The following COA7 variants were observed in gnomAD, a reference collection of about 807,000 sequenced individuals.
The protein encoded by COA7 is Sel1 repeat containing 1.
COA7 carries 12 observed loss-of-function variants against 21.0 expected under a neutral mutation model. The observed-to-expected ratio is 0.57, with a 90% CI of 0.37 to 0.92. The LOEUF (loss-of-function observed/expected upper bound fraction) is 0.92, where lower values mean the gene tolerates loss of function less well. COA7 is among the 40% of genes least tolerant of loss of function. The pLI is 0.01. For missense variants in COA7, 240 were observed against 286.1 expected, an observed-to-expected ratio of 0.84 and a Z score of 1.16; for synonymous variants, 95 against 107.4, an observed-to-expected ratio of 0.88 and a Z score of 0.72.
At chr1:52,698,165 C>G in intron 1 of COA7, 56 bp downstream of exon 1, 1 of 1,281,618 alleles carries the variant, frequency 7.8e-7, no homozygotes. Context: ...GCAGACCAGA[C>G]CTCTCCGGGC....
chr1:52,697,188 C>T (rs1246503675), intron 1 of COA7, among the ~76,000 whole-genome samples: 1 of 151,290 alleles, frequency 6.6e-6, no homozygotes, highest in Non-Finnish European at 1.5e-5. Context: ...CACTTGAGCC[C>T]AGGAGTTGCG....
chr1:52,694,201 A>G (rs1644067642), intron 1 of COA7, among the ~76,000 whole-genome samples: 1 of 152,086 alleles, frequency 6.6e-6, no homozygotes, highest in African/African-American at 2.4e-5. Flanking sequence ...AAAAGCCCAG[A>G]CTTCCCCAGC....
At position 52,692,981 on chromosome 1, in the gene COA7, C is replaced by G. The variant is rs1483316950; in HGVS notation, c.107-114G>C. The G allele has an allele frequency of 4.6e-6, 5 of 1,079,576 alleles. No individual in the cohort carries two copies. In the East Asian group the frequency reaches 1.2e-4, roughly 26 times the overall value. The allele number at this position is 1,079,576 out of a possible 1,614,324, so 66.9% of individuals were successfully genotyped here. On this transcript the variant is annotated intron_variant, in intron 1 of 2. Coordinates refer to ENST00000371538, the MANE Select transcript of COA7 (RefSeq NM_023077.3). ...GGCCAGGTGATGTCTTTTAAGACAG[C>G]CCCTGTCCTCCTGATGTGTGGCAAG...
chr1:52,696,943 C>G (rs989161311), intron 1 of COA7, among the ~76,000 whole-genome samples: 1 of 152,012 alleles, frequency 6.6e-6, no homozygotes, highest in Non-Finnish European at 1.5e-5. Context: ...AACCCTGTCT[C>G]TACGAAAATA....
At chr1:52,697,356 A>T (rs928904390) in intron 1 of COA7, among the ~76,000 whole-genome samples, 9 of 152,212 alleles carry the variant, frequency 5.9e-5, no homozygotes, top group African/African-American at 1.2e-4. Flanking sequence ...AGTCAATTCA[A>T]TGTTCACACA....
In COA7 at chr1:52,686,667, C is replaced by CCTG. The variant is rs1190403203; in HGVS notation, c.*1052_*1053insCAG. On this transcript the variant is annotated 3_prime_UTR_variant, in exon 3 of 3. Transcript: ENST00000371538. ...GTTTCCCCGTGTTAGCCAGGATGGT[C>CCTG]ATGATCTCCTGATCTCGTGATCCAC... 2.6e-5 allele frequency: 4 copies of CCTG among 152,226 alleles called. No individual in the cohort carries two copies. Among genetic ancestry groups the CCTG allele is most frequent in the African/African-American group, 9.7e-5 (4 of 41,446 alleles). The allele number at this position is 152,226 out of a possible 1,614,324, so 9.4% of individuals were successfully genotyped here.
Position 52,698,031 on chromosome 1 carries a change from C to T in COA7, c.106+190G>A, listed in dbSNP as rs1644097002. The T allele has an allele frequency of 1.2e-5, 7 of 577,498 alleles. No individual in the cohort carries two copies. The East Asian group carries it at 2.1e-4, about 17-fold the overall frequency. The allele number at this position is 577,498 out of a possible 1,614,324, so 35.8% of individuals were successfully genotyped here. A position where few individuals can be genotyped will look rare whatever the true frequency, so the allele number is the denominator to read the frequency against. The stretch of plus-strand genomic sequence containing the variant: ...AAGCCCCAGCACGTCTCTTCCTACC[C>T]GCCCCGGCCTCCTGGCTCGGTCTTC... On this transcript the variant is annotated intron_variant, in intron 1 of 2. Transcript: ENST00000371538.
rs150954861 is a variant in COA7 at position 52,692,786 on chromosome 1, T to C, written c.188A>G (p.Glu63Gly). The C allele has an allele frequency of 4.6e-5, 75 of 1,614,130 alleles. No homozygotes were observed. The East Asian group carries it at 1.6e-3, about 35-fold the overall frequency. The stretch of plus-strand genomic sequence containing the variant: ...GCAGCTATCACTGTGCTGGTTCTCT[T>C]CACAGTTAAACTTCAACACCTTGGC... Reference protein sequence around the residue: ...EAAKVLKFNCEENQHSDSCYK... With the variant: ...EAAKVLKFNCGENQHSDSCYK... The change falls in exon 2 of 3, where the codon GAA becomes GGA. Residue 63 changes from glutamate (E) to glycine (G), a missense_variant. Around this residue, in one of 3 missense-constraint regions of COA7, gnomAD observed 163 missense variants for 214.1 expected, o/e 0.76. Transcript: ENST00000371538.
chr1:52,695,711 G>A (rs1051765020), intron 1 of COA7, among the ~76,000 whole-genome samples: 4 of 152,176 alleles, frequency 2.6e-5, no homozygotes. Flanking sequence ...AAAGTGCAAA[G>A]AGAGGGACAG....
Position 52,687,709 on chromosome 1 carries a change from G to A in COA7, c.*11C>T. 1 of 1,609,222 alleles carries A rather than the reference G, an allele frequency of 6.2e-7. No homozygotes were observed. Among genetic ancestry groups the A allele is most frequent in the Non-Finnish European group, 8.5e-7 (1 of 1,176,190 alleles). On this transcript the variant is annotated 3_prime_UTR_variant, in exon 3 of 3. Coordinates refer to ENST00000371538, the MANE Select transcript of COA7 (RefSeq NM_023077.3). The stretch of plus-strand genomic sequence containing the variant: ...AAGCAGTTTGTTGCCTGGGAGGGAG[G>A]GTGGACCACATTACCCAAATGTTAA...
chr1:52,690,772 G>T (rs938876462), intron 2 of COA7, among the ~76,000 whole-genome samples: 1 of 151,750 alleles, frequency 6.6e-6, no homozygotes, highest in East Asian at 1.9e-4. Flanking sequence ...TCCACCTCCC[G>T]GGCTCAAGTG....
intron 2 of COA7, 75 bp from the exon 3 acceptor site, chr1:52,688,243 A>AT: frequency 8.1e-7 from 1 of 1,232,694 alleles, no homozygotes; most frequent in Non-Finnish European, 1.1e-6. Context: ...AAAGTCAGTG[A>AT]ATTTTTTTTT....
chr1:52,691,465 T>G (rs1644046236), intron 2 of COA7, among the ~76,000 whole-genome samples: 1 of 130,500 alleles, frequency 7.7e-6, no homozygotes, highest in Non-Finnish European at 1.6e-5. Context: ...TTTATGTGTG[T>G]GTGTGTTTTT....
intron 2 of COA7, among the ~76,000 whole-genome samples, chr1:52,692,189 A>G (rs2149904673): frequency 6.6e-6 from 1 of 152,304 alleles, no homozygotes; most frequent in East Asian, 1.9e-4. Context: ...CTATAACCTC[A>G]TGAGATACCC....
In COA7 at chr1:52,687,672, G is replaced by C. The variant is rs1644015371; in HGVS notation, c.*48C>G. The stretch of plus-strand genomic sequence containing the variant: ...GCTGCATCAGTCTTCAGAAACAGGA[G>C]CTGCCAGCCTCAAGCAGTTTGTTGC... On this transcript the variant is annotated 3_prime_UTR_variant, in exon 3 of 3. Transcript: ENST00000371538. 6.4e-7 allele frequency: 1 copy of C among 1,564,006 alleles called. No homozygotes were observed. The highest frequency in any genetic ancestry group is 8.7e-7 in the Non-Finnish European group (1 of 1,147,848).
At chr1:52,692,669 A>G in intron 2 of COA7, 58 bp downstream of exon 2, 1 of 1,596,174 alleles carries the variant, frequency 6.3e-7, no homozygotes, top group Non-Finnish European at 8.6e-7. Flanking sequence ...CATGGGGCTC[A>G]GGTGTGAGGC....
rs1039303801 is a variant in COA7, at chr1:52,689,164, T to A, written c.248-996A>T. ...TATGAAATTATTATTATTATTATTT[T>A]TTTTTTTTTGAGATGGAGTCTTGCT... On this transcript the variant is annotated intron_variant, in intron 2 of 2. Coordinates refer to ENST00000371538, the MANE Select transcript of COA7 (RefSeq NM_023077.3). Among the ~76,000 whole-genome samples the A allele has an allele frequency of 1.5e-4, 23 of 151,758 alleles. 1 individual carries two copies. The highest frequency in any genetic ancestry group is 5.2e-4 in the Admixed American group (8 of 15,256).
rs1571715480 is a variant in COA7 at position 52,685,794 on chromosome 1, G to A, written c.*1926C>T. On this transcript the variant is annotated 3_prime_UTR_variant, in exon 3 of 3. Transcript: ENST00000371538. ...TTGGCCAGGCTGTTCTCGAAATCCTGACCTCGTGATCCGCCTGCCTCGGCC... is the reference window on the plus strand; with the variant it reads ...TTGGCCAGGCTGTTCTCGAAATCCTAACCTCGTGATCCGCCTGCCTCGGCC... 2.6e-5 allele frequency: 4 copies of A among 152,296 alleles called. No individual in the cohort carries two copies. Among genetic ancestry groups the A allele is most frequent in the Admixed American group, 2.0e-4 (3 of 15,278 alleles). 9.4% of individuals were successfully genotyped at this position (152,296 alleles called of 1,614,324 possible). A position where few individuals can be genotyped will look rare whatever the true frequency, so the allele number is the denominator to read the frequency against.
chr1:52,688,041 C>G lies in COA7; in HGVS notation c.375G>C (p.Glu125Asp). The change falls in exon 3 of 3, where the codon GAG becomes GAC. Residue 125 changes from glutamate (E) to aspartate (D), a missense_variant. Transcript: ENST00000371538. ...GLLAHDGQVN[E>D]DGQPDLGKAR... is the part of the protein sequence containing the mutation. ...CCTTTCCCAAGTCAGGCTGGCCATC[C>G]TCATTAACCTGTCCATCATGTGCCA... 6.2e-7 allele frequency: 1 copy of G among 1,614,184 alleles called. No homozygotes were observed. The highest frequency in any genetic ancestry group is 8.5e-7 in the Non-Finnish European group (1 of 1,180,034).
Sources: gnomAD v4.1 joint callset for allele counts (sites outside exome capture counted in the v4.1 genomes callset) on GRCh38, gnomAD v4.1.1 for gene constraint, gnomAD v4.1.1 regional missense constraint, MANE v1.5 for transcripts, NCBI Gene and HGNC (gene_info 2026-07-23, HGNC 2026-07-21) for gene names.